The following NOVA1 variants were observed in gnomAD, a reference collection of about 807,000 sequenced individuals.
The protein encoded by NOVA1 is RNA-binding protein Nova-1.
In NOVA1, 7 loss-of-function variants were observed where a neutral mutation model predicts 38.0. The ratio of observed to expected loss-of-function variants is 0.18; its 90% CI spans 0.10 to 0.35. The LOEUF (loss-of-function observed/expected upper bound fraction) is 0.35. NOVA1 is among the 10% of genes least tolerant of loss of function. The pLI is 1.00. For synonymous variants in NOVA1, 270 were observed against 232.5 expected (o/e 1.16, Z -1.47); for missense variants, 460 against 616.0 (o/e 0.75, Z 2.68).
intron 4 of NOVA1, among the ~76,000 whole-genome samples, chr14:26,468,807 A>G (rs1325298681): frequency 6.6e-6 from 1 of 152,202 alleles, no homozygotes; most frequent in Non-Finnish European, 1.5e-5. Flanking sequence ...TTATAATTTC[A>G]AACTTATCAG....
At chr14:26,549,762 T>C in intron 2 of NOVA1, 5 of 1,288,618 alleles carry the variant, frequency 3.9e-6, no homozygotes, top group Non-Finnish European at 5.1e-6. Flanking sequence ...ATGTACAATT[T>C]CTTCTGCAGC....
chr14:26,495,033 T>C (rs1886656501), intron 2 of NOVA1, among the ~76,000 whole-genome samples: 1 of 152,142 alleles, frequency 6.6e-6, no homozygotes, highest in African/African-American at 2.4e-5. Context: ...TTACTCTTTC[T>C]CTCTTTTTCT....
intron 2 of NOVA1, among the ~76,000 whole-genome samples, chr14:26,499,657 G>A (rs1447235303): frequency 6.6e-6 from 1 of 152,120 alleles, no homozygotes; most frequent in Admixed American, 6.5e-5. Flanking sequence ...TGATATGGAA[G>A]AGAGGGACAC....
chr14:26,519,311 A>T lies in NOVA1; in HGVS notation c.281-39168T>A, dbSNP rs1036007500. On this transcript the variant is annotated intron_variant, in intron 2 of 4. Coordinates refer to ENST00000539517, the MANE Select transcript of NOVA1 (RefSeq NM_002515.3). ...GAGTTAGATTATTAAAGTTATTGGG[A>T]GGCACTGTGAGCAATGGGAAAGGTG... 3.3e-5 allele frequency: 5 copies of T among 152,274 alleles called. No individual in the cohort carries two copies. In the East Asian group the frequency reaches 9.7e-4, roughly 29 times the overall value. The allele number at this position is 152,274 out of a possible 1,614,324, so 9.4% of individuals were successfully genotyped here.
intron 3 of NOVA1, chr14:26,479,757 C>T (rs1392526792): frequency 4.6e-6 from 2 of 434,552 alleles, no homozygotes. Context: ...AAGTGCTCCT[C>T]AATGTAACAC....
chr14:26,544,186 A>G (rs1890645057), intron 2 of NOVA1, among the ~76,000 whole-genome samples: 1 of 152,010 alleles, frequency 6.6e-6, no homozygotes, highest in South Asian at 2.1e-4. Context: ...TAAAAAAAGA[A>G]AAAAGAAAAA....
At chr14:26,541,380 T>C (rs1015939332) in intron 2 of NOVA1, among the ~76,000 whole-genome samples, 19 of 151,764 alleles carry the variant, frequency 1.3e-4, no homozygotes, top group Non-Finnish European at 2.2e-4. Context: ...ACTTACTTTT[T>C]AACTGGACCC....
chr14:26,476,068 A>C (rs536451300), intron 3 of NOVA1, among the ~76,000 whole-genome samples: 1 of 152,300 alleles, frequency 6.6e-6, no homozygotes, highest in African/African-American at 2.4e-5. Context: ...AGTTCTGTTA[A>C]ATAAATCTGT....
chr14:26,506,497 G>A (rs899778532), intron 2 of NOVA1, among the ~76,000 whole-genome samples: 2 of 152,150 alleles, frequency 1.3e-5, no homozygotes, highest in Admixed American at 1.3e-4. Flanking sequence ...CTTCTTTCAT[G>A]AGTGTTGTCT....
At chr14:26,523,966 T>C (rs1349358257) in intron 2 of NOVA1, among the ~76,000 whole-genome samples, 1 of 152,080 alleles carries the variant, frequency 6.6e-6, no homozygotes, top group Non-Finnish European at 1.5e-5. Context: ...TTAGCCGGGA[T>C]GGCCTCGATC....
In NOVA1 at chr14:26,447,939, C is replaced by T; in HGVS notation, c.*20G>A. ...GGGGTAAAGGAGGGGTTAAAACAATCTGATGTGTAACTGGGGCACTCAACC... is the reference window on the plus strand; with the variant it reads ...GGGGTAAAGGAGGGGTTAAAACAATTTGATGTGTAACTGGGGCACTCAACC... On this transcript the variant is annotated 3_prime_UTR_variant, in exon 5 of 5. Coordinates refer to ENST00000539517, the MANE Select transcript of NOVA1 (RefSeq NM_002515.3). 1 of 1,605,722 alleles carries T rather than the reference C, an allele frequency of 6.2e-7. No homozygotes were observed. The highest frequency in any genetic ancestry group is 8.5e-7 in the Non-Finnish European group (1 of 1,172,882).
intron 2 of NOVA1, among the ~76,000 whole-genome samples, chr14:26,481,988 T>TTAAAAAAAA (rs922159329): frequency 1.0e-4 from 11 of 105,988 alleles, no homozygotes; most frequent in South Asian, 2.7e-4. Context: ...TAGATAGAGA[T>TTAAAAAAAA]AAAAAAAAAA....
chr14:26,507,067 T>C (rs1321912445), intron 2 of NOVA1, among the ~76,000 whole-genome samples: 1 of 152,230 alleles, frequency 6.6e-6, no homozygotes, highest in African/African-American at 2.4e-5. Context: ...CTGGTTGCTA[T>C]GTGCTAAGGT....
intron 2 of NOVA1, among the ~76,000 whole-genome samples, chr14:26,488,579 AAC>A (rs1169834115): frequency 1.3e-5 from 2 of 152,160 alleles, no homozygotes; most frequent in African/African-American, 4.8e-5. Flanking sequence ...CCATGCAAAA[AAC>A]AGTTAAGATG....
chr14:26,579,456 G>T (rs1008720903), intron 2 of NOVA1, among the ~76,000 whole-genome samples: 1 of 152,042 alleles, frequency 6.6e-6, no homozygotes, highest in Non-Finnish European at 1.5e-5. Flanking sequence ...AGCAATCTAA[G>T]AATCAGTATA....
intron 2 of NOVA1, among the ~76,000 whole-genome samples, chr14:26,488,569 C>T (rs1442093358): frequency 1.3e-5 from 2 of 152,012 alleles, no homozygotes; most frequent in African/African-American, 2.4e-5. Context: ...AATTTTGAGG[C>T]CATGCAAAAA....
At chr14:26,540,941 GGTAA>G (rs1305576028) in intron 2 of NOVA1, among the ~76,000 whole-genome samples, 1 of 152,062 alleles carries the variant, frequency 6.6e-6, no homozygotes, top group Non-Finnish European at 1.5e-5. Flanking sequence ...CACTTCTTGT[GGTAA>G]GTAATGAGCT....
At chr14:26,547,150 C>T (rs1330614784) in intron 2 of NOVA1, among the ~76,000 whole-genome samples, 1 of 151,960 alleles carries the variant, frequency 6.6e-6, no homozygotes. Flanking sequence ...TTTAATTATT[C>T]ATAACCTATA....
chr14:26,561,613 G>C (rs1032227501), intron 2 of NOVA1, among the ~76,000 whole-genome samples: 4 of 152,050 alleles, frequency 2.6e-5, no homozygotes, highest in Non-Finnish European at 5.9e-5. Flanking sequence ...CAAAACAGAG[G>C]TGACTTACTA....
Sources: allele counts gnomAD v4.1 joint callset (sites outside exome capture counted in the v4.1 genomes callset), GRCh38; gene constraint gnomAD v4.1.1; transcripts MANE v1.5; gene names NCBI Gene and HGNC (gene_info 2026-07-23, HGNC 2026-07-21).